COG6: variants seen among roughly 807,000 people sequenced by gnomAD.
COG6 encodes the protein component of oligomeric golgi complex 6.
Under a neutral mutation model 88.8 loss-of-function variants are expected in COG6, and 74 were observed. The ratio of observed to expected loss-of-function variants is 0.83; its 90% CI spans 0.69 to 1.01. The LOEUF is 1.01. COG6 is among the 50% of genes least tolerant of loss of function. The pLI, the probability that COG6 is intolerant of heterozygous loss-of-function variation, is 0.00. For missense variants in COG6, 800 were observed against 797.9 expected (o/e 1.00, Z -0.03); for synonymous variants, 286 against 278.7 (o/e 1.03, Z -0.26).
At chr13:39,757,548 C>A (rs1880878278), downstream of COG6, among the ~76,000 whole-genome samples, 2 of 151,236 alleles carry the variant, frequency 1.3e-5, no homozygotes, top group African/African-American at 4.9e-5. Context: ...GAAACATTGA[C>A]TAATCTTTAG....
intron 16 of COG6, among the ~76,000 whole-genome samples, chr13:39,723,679 T>C (rs377663139): frequency 9.9e-5 from 15 of 152,062 alleles, no homozygotes; most frequent in African/African-American, 3.6e-4. Flanking sequence ...TCCTAAAATA[T>C]GGTAGAGTGC....
chr13:39,785,584 A>C (rs1325181903), intron 18 of COG6: 1 of 152,182 alleles, frequency 6.6e-6, no homozygotes, highest in African/African-American at 2.4e-5. Flanking sequence ...TCGTACACAC[A>C]ATTCATCCTT....
At chr13:39,664,059 TCA>T (rs1289005147) in intron 3 of COG6, 2 of 154,742 alleles carry the variant, frequency 1.3e-5, no homozygotes, top group Non-Finnish European at 1.5e-5. Flanking sequence ...AGAATTTCCC[TCA>T]CAGTCTGAAA....
At chr13:39,682,345 C>T (rs568657239) in intron 8 of COG6, 81 bp downstream of exon 8, 6 of 789,752 alleles carry the variant, frequency 7.6e-6, no homozygotes, top group South Asian at 6.0e-5. Flanking sequence ...TTATCAAAAG[C>T]GTATATAATA....
At chr13:39,745,081 A>G (rs1438557349) in intron 18 of COG6, among the ~76,000 whole-genome samples, 1 of 152,214 alleles carries the variant, frequency 6.6e-6, no homozygotes, top group East Asian at 1.9e-4. Flanking sequence ...ACCTTATACA[A>G]AAATTATTTC....
chr13:39,731,898 A>C (rs1593459083), intron 18 of COG6, among the ~76,000 whole-genome samples: 1 of 152,208 alleles, frequency 6.6e-6, no homozygotes, highest in African/African-American at 2.4e-5. Context: ...GAGACCTCAG[A>C]AAGTCCAAAC....
intron 13 of COG6, among the ~76,000 whole-genome samples, chr13:39,711,045 T>G (rs1878211813): frequency 6.6e-6 from 1 of 152,216 alleles, no homozygotes; most frequent in Admixed American, 6.5e-5. Flanking sequence ...TGTTTATCTT[T>G]TTTTTTTGAG....
In COG6 at chr13:39,659,421, A is replaced by G. The variant is rs1346483046; in HGVS notation, c.211A>G (p.Thr71Ala). ...CTTTTTTGTTGAAAATAGTCTGCGGACTCGAAGAAATTTACGTGGAGATAT... is the reference window on the plus strand; with the variant it reads ...CTTTTTTGTTGAAAATAGTCTGCGGGCTCGAAGAAATTTACGTGGAGATAT... ...STFFVENSLR[T>A]RRNLRGDIER... is the part of the protein sequence containing the mutation. Residue 71 changes from threonine to alanine, a missense_variant, in exon 2 of 19, where the codon ACT becomes GCT. Coordinates refer to ENST00000455146, the MANE Select transcript of COG6 (RefSeq NM_020751.3). 3 of 1,613,480 alleles carry G rather than the reference A, an allele frequency of 1.9e-6. No homozygotes were observed. Among genetic ancestry groups the G allele is most frequent in the African/African-American group, 2.7e-5 (2 of 74,896 alleles).
Position 39,681,255 on chromosome 13 carries a change from G to A in COG6, c.695-916G>A, listed in dbSNP as rs960293022. Among the ~76,000 whole-genome samples, 2 of 152,172 alleles carry A rather than the reference G, an allele frequency of 1.3e-5. 1 individual carries two copies. The highest frequency in any genetic ancestry group is 4.1e-4 in the South Asian group (2 of 4,834). On this transcript the variant is annotated intron_variant, in intron 7 of 18. Transcript: ENST00000455146. ...GGAATTCTCTGATCTGGTTGGTTAA[G>A]TCTTTATCTCTAAAACCTGTTTGTT...
intron 18 of COG6, among the ~76,000 whole-genome samples, chr13:39,736,415 A>T (rs937213518): frequency 2.0e-5 from 3 of 152,278 alleles, no homozygotes; most frequent in African/African-American, 7.2e-5. Context: ...AATTTTGGCC[A>T]GGCGCAGTGT....
intron 13 of COG6, among the ~76,000 whole-genome samples, chr13:39,705,500 ATGT>A (rs1255592614): frequency 6.6e-6 from 1 of 152,094 alleles, no homozygotes; most frequent in Non-Finnish European, 1.5e-5. Context: ...AAAAGACACA[ATGT>A]TGTGTCAATT....
At chr13:39,687,326 GCTGAAGTTAT>G (rs1312546193) in intron 8 of COG6, among the ~76,000 whole-genome samples, 167 bp from the exon 9 acceptor site, 1 of 152,016 alleles carries the variant, frequency 6.6e-6, no homozygotes, top group Non-Finnish European at 1.5e-5. Context: ...TTTTCAATGA[GCTGAAGTTAT>G]CTCTTAAATA....
intron 4 of COG6, among the ~76,000 whole-genome samples, chr13:39,675,632 A>G (rs1251950562): frequency 6.6e-6 from 1 of 152,126 alleles, no homozygotes; most frequent in East Asian, 1.9e-4. Flanking sequence ...ATTATTTGGA[A>G]TGAATTGTAA....
At position 39,679,614 on chromosome 13, in the gene COG6, C is replaced by A; in HGVS notation, c.617C>A (p.Thr206Lys). ...GTTCTCTTGCGTACAAATCAACAAA[C>A]GGCAGGGTGAGTAACTGCTCACTGA... ...VKVLLRTNQQ[T>K]AGLEIMEQMA... The change falls in exon 6 of 19, where the codon ACG becomes AAG. Residue 206 changes from threonine (T) to lysine (K), a missense_variant. Physicochemically the swap from Thr to Lys is moderately conservative, Grantham distance 78. Coordinates refer to ENST00000455146, the MANE Select transcript of COG6 (RefSeq NM_020751.3). 6.3e-7 allele frequency: 1 copy of A among 1,591,904 alleles called. No individual in the cohort carries two copies. Among genetic ancestry groups the A allele is most frequent in the Non-Finnish European group, 8.6e-7 (1 of 1,159,908 alleles).
At chr13:39,699,091 GTATT>G (rs1877431513) in intron 12 of COG6, among the ~76,000 whole-genome samples, 1 of 151,658 alleles carries the variant, frequency 6.6e-6, no homozygotes, top group Non-Finnish European at 1.5e-5. Context: ...GAATAACTCA[GTATT>G]TATACAATTT....
Position 39,787,285 on chromosome 13 carries a change from T to C in COG6, c.1827-1050T>C, listed in dbSNP as rs556571492. Among the ~76,000 whole-genome samples the C allele has an allele frequency of 2.6e-5, 4 of 152,232 alleles. No homozygotes were observed. The South Asian group carries it at 8.3e-4, about 32-fold the overall frequency. ...CTGCCTGCCAAGAAGATGGGGTTAA[T>C]TGGTAGGAAAGTGTGGGAGGAAACT... On this transcript the variant is annotated intron_variant, in intron 18 of 18. Coordinates refer to the COG6 transcript ENST00000416691.
intron 11 of COG6, among the ~76,000 whole-genome samples, chr13:39,692,397 G>A (rs988496391): frequency 6.6e-6 from 1 of 151,876 alleles, no homozygotes; most frequent in Non-Finnish European, 1.5e-5. Context: ...TTAGTGTAGT[G>A]TATGCTACAG....
chr13:39,668,213 G>A (rs1875387974), intron 4 of COG6, among the ~76,000 whole-genome samples: 1 of 152,058 alleles, frequency 6.6e-6, no homozygotes, highest in South Asian at 2.1e-4. Context: ...AAAAAAGTAA[G>A]CAACTGTGTT....
intron 13 of COG6, among the ~76,000 whole-genome samples, chr13:39,711,119 G>A (rs951348191): frequency 6.6e-6 from 1 of 151,772 alleles, no homozygotes; most frequent in Non-Finnish European, 1.5e-5. Context: ...CCTGTAACAT[G>A]TAAGAATCAC....
Sources: gnomAD v4.1 joint callset for allele counts (sites outside exome capture counted in the v4.1 genomes callset) on GRCh38, gnomAD v4.1.1 for gene constraint, MANE v1.5 for transcripts, NCBI Gene and HGNC (gene_info 2026-07-23, HGNC 2026-07-21) for gene names.